The following COL16A1 variants were observed in gnomAD, a reference collection of about 807,000 sequenced individuals.
COL16A1 encodes collagen type XVI alpha 1 chain.
In COL16A1, 189 loss-of-function variants were observed where a neutral mutation model predicts 266.3. The observed-to-expected ratio is 0.71, with a 90% confidence interval of 0.63 to 0.80. The LOEUF (loss-of-function observed/expected upper bound fraction) is 0.80. Ranked by LOEUF, COL16A1 falls within the 30% of genes least tolerant of loss-of-function variation. COL16A1 has a pLI of 0.00. For synonymous variants in COL16A1, 740 were observed against 782.3 expected (o/e 0.95, Z 0.90); for missense variants, 1,928 against 2,122.4 (o/e 0.91, Z 1.80).
Position 31,668,724 on chromosome 1 carries a change from C to T in COL16A1, c.3249+78G>A, listed in dbSNP as rs375587676. 7.3e-6 allele frequency: 11 copies of T among 1,509,334 alleles called. No individual in the cohort carries two copies. Among genetic ancestry groups the T allele is most frequent in the South Asian group, 6.8e-5 (6 of 88,728 alleles). The allele number at this position is 1,509,334 out of a possible 1,614,324, so 93.5% of individuals were successfully genotyped here. A position where few individuals can be genotyped will look rare whatever the true frequency, so the allele number is the denominator to read the frequency against. On this transcript the variant is annotated intron_variant, in intron 50 of 70. Transcript: ENST00000373672. This position sits in a 1 kb window ranked among gnomAD's most constrained non-coding sequence, Gnocchi z 5.8. ...CTCCCAGCTTCCACTCAGCAGCCACCCTTCAGAGCTCAAGCTCTGCCTCCC... is the reference window on the plus strand; with the variant it reads ...CTCCCAGCTTCCACTCAGCAGCCACTCTTCAGAGCTCAAGCTCTGCCTCCC...
At chr1:31,699,102 AAACC>A (rs530116161) in intron 4 of COL16A1, among the ~76,000 whole-genome samples, 4 of 148,156 alleles carry the variant, frequency 2.7e-5, no homozygotes, top group African/African-American at 2.5e-5. Flanking sequence ...CTCAAAAAGA[AAACC>A]AACCAACCAA....
At position 31,672,481 on chromosome 1, in the gene COL16A1, G is replaced by A. The variant is rs763834475; in HGVS notation, c.3040C>T (p.Pro1014Ser). Residue 1014 changes from proline to serine, a missense_variant, in exon 47 of 71, where the codon CCT (proline) becomes TCT (serine). Transcript: ENST00000373672. ...EARGDNSEGD[P>S]GCVGSPGLPG... is the part of the protein sequence containing the mutation. The stretch of plus-strand genomic sequence containing the variant: ...AGGCCTGGGCTCCCAACACAGCCAG[G>A]ATCTCCCTCACTGTTGTCACCCTGG... 1 of 1,614,156 alleles carries A rather than the reference G, an allele frequency of 6.2e-7. No homozygotes were observed. Among genetic ancestry groups the A allele is most frequent in the South Asian group, 1.1e-5 (1 of 91,088 alleles).
intron 49 of COL16A1, among the ~76,000 whole-genome samples, chr1:31,669,301 C>G (rs147635174): frequency 6.6e-6 from 1 of 151,998 alleles, no homozygotes; most frequent in African/African-American, 2.4e-5. Flanking sequence ...AGATACCCAA[C>G]ACTTACCTGT....
rs926168318 is a variant in COL16A1, at chr1:31,683,969, G to A, written c.2318C>T (p.Pro773Leu). ...ACATACCTGCACGCCCTTCAGTCCT[G>A]GGGGCCCTTGAACTCCTGGTAGACC... ...QPGLPGVQGP[P>L]GLKGVQGEPG... Residue 773 changes from proline (P) to leucine (L), a missense_variant, in exon 33 of 71, where the codon CCA becomes CTA. Around this residue, in one of 2 missense-constraint regions of COL16A1, gnomAD observed 1,552 missense variants for 1,637.2 expected, o/e 0.95. Transcript: ENST00000373672. 1.9e-6 allele frequency: 3 copies of A among 1,614,038 alleles called. No homozygotes were observed. The highest frequency in any genetic ancestry group is 2.5e-6 in the Non-Finnish European group (3 of 1,180,020).
chr1:31,692,931 A>ACACC lies in COL16A1; in HGVS notation c.1072-127_1072-124dup, dbSNP rs575091837. On this transcript the variant is annotated intron_variant, in intron 13 of 70. Transcript: ENST00000373672. Reference sequence around the variant, plus strand: ...GTATCCCTAGAAAAGGGGGGCTTCTACACCCAAACCCCTAGAAAGACCCTG... The same window carrying ACACC: ...GTATCCCTAGAAAAGGGGGGCTTCTACACCCACCCAAACCCCTAGAAAGACCCTG... 65 of 1,058,302 alleles carry ACACC rather than the reference A, an allele frequency of 6.1e-5. No homozygotes were observed. The African/African-American group carries it at 9.9e-4, about 16-fold the overall frequency. The allele number at this position is 1,058,302 out of a possible 1,614,324, so 65.6% of individuals were successfully genotyped here.
In COL16A1 at chr1:31,691,389, AC is replaced by A. The variant is rs1644259668; in HGVS notation, c.1398+27del. The stretch of plus-strand genomic sequence containing the variant: ...TGGGAGAGCGGTCTCTGAGAAAAGC[AC>A]AGCAGGAGAAGCAAGGGGGTACTCA... On this transcript the variant is annotated intron_variant, in intron 19 of 70. Coordinates refer to ENST00000373672, the MANE Select transcript of COL16A1 (RefSeq NM_001856.4). 1.9e-6 allele frequency: 3 copies of A among 1,598,760 alleles called. No homozygotes were observed. In the African/African-American group the frequency reaches 4.0e-5, roughly 21 times the overall value.
rs1247226032 is a variant in COL16A1, at chr1:31,684,507, AC to A, written c.2160+15del. On this transcript the variant is annotated intron_variant, in intron 31 of 70. Coordinates refer to ENST00000373672, the MANE Select transcript of COL16A1 (RefSeq NM_001856.4). ...TGCAACAAACTCCCCGACCCCAACCACCCCGCCTGACTAACCTTTTCTCCTT... is the reference window on the plus strand; with the variant it reads ...TGCAACAAACTCCCCGACCCCAACCACCCGCCTGACTAACCTTTTCTCCTT... 1.2e-6 allele frequency: 2 copies of A among 1,603,952 alleles called. No individual in the cohort carries two copies. Among genetic ancestry groups the A allele is most frequent in the Non-Finnish European group, 1.7e-6 (2 of 1,175,456 alleles).
At chr1:31,678,202 G>T (rs1343844096) in intron 42 of COL16A1, among the ~76,000 whole-genome samples, 1 of 152,144 alleles carries the variant, frequency 6.6e-6, no homozygotes, top group Non-Finnish European at 1.5e-5. Flanking sequence ...GGCGGGGGTG[G>T]GGAGGGAAGA....
intron 44 of COL16A1, among the ~76,000 whole-genome samples, chr1:31,673,716 GTGACT>G (rs1175864716): frequency 1.3e-5 from 2 of 152,264 alleles, no homozygotes; most frequent in African/African-American, 2.4e-5. Context: ...GAGAGGCGGC[GTGACT>G]TGTCTAAGGA....
chr1:31,662,744 A>G, intron 56 of COL16A1, 86 bp from the exon 57 acceptor site: 2 of 1,363,548 alleles, frequency 1.5e-6, no homozygotes, highest in Non-Finnish European at 2.0e-6. Context: ...GCCCTGGGTC[A>G]AGGGTCCTGG....
intron 44 of COL16A1, 37 bp from the exon 45 acceptor site, chr1:31,672,877 T>A: frequency 6.2e-7 from 1 of 1,601,602 alleles, no homozygotes; most frequent in South Asian, 1.1e-5. Flanking sequence ...GGGCCTGGGT[T>A]AGAGATGGGC....
At chr1:31,676,066 TG>T (rs1271232616) in intron 42 of COL16A1, among the ~76,000 whole-genome samples, 1 of 151,692 alleles carries the variant, frequency 6.6e-6, no homozygotes, top group African/African-American at 2.4e-5. Context: ...CACTCACACC[TG>T]CAATCGTAGC....
Position 31,677,277 on chromosome 1 carries a change from C to T in COL16A1, c.2773-1966G>A, listed in dbSNP as rs143428332. Among the ~76,000 whole-genome samples the T allele has an allele frequency of 1.9e-3, 295 of 152,278 alleles. 3 individuals carry two copies. The highest frequency in any genetic ancestry group is 6.5e-3 in the African/African-American group (271 of 41,552). On this transcript the variant is annotated intron_variant, in intron 42 of 70. Coordinates refer to ENST00000373672, the MANE Select transcript of COL16A1 (RefSeq NM_001856.4). ...ATTCTTTTTGTATTTTTAGTAGAGA[C>T]GGGGTTTCGCCATGCTGGCCAGGCT... is the stretch of plus-strand genomic sequence containing the variant.
At chr1:31,683,410 G>A in intron 34 of COL16A1, 41 bp from the exon 35 acceptor site, 1 of 1,612,702 alleles carries the variant, frequency 6.2e-7, no homozygotes, top group Non-Finnish European at 8.5e-7. Context: ...AGCAGCCACA[G>A]CCAACCTGCC....
rs199958335 is a variant in COL16A1 at position 31,692,836 on chromosome 1, G to T, written c.1072-28C>A. ...GGGAGTAGGGAACAAGGGATCAGGG[G>T]TGGGAACTCCTGGGGAAGTCCCCTA... On this transcript the variant is annotated intron_variant, in intron 13 of 70. Coordinates refer to ENST00000373672, the MANE Select transcript of COL16A1 (RefSeq NM_001856.4). 12 of 1,609,884 alleles carry T rather than the reference G, an allele frequency of 7.5e-6. No homozygotes were observed. The African/African-American group carries it at 1.5e-4, about 20-fold the overall frequency.
chr1:31,665,006 C>T lies in COL16A1; in HGVS notation c.3555+166G>A, dbSNP rs182694991. 1.4e-4 allele frequency among the ~76,000 whole-genome samples: 21 copies of T among 152,330 alleles called. 1 individual carries two copies. The highest frequency in any genetic ancestry group is 1.1e-3 in the Admixed American group (17 of 15,312). On this transcript the variant is annotated intron_variant, in intron 56 of 70. Coordinates refer to ENST00000373672, the MANE Select transcript of COL16A1 (RefSeq NM_001856.4). ...CCCACTGGTCCACTGCAAGCCCTGT[C>T]GGCCTCCAGTAGTCACTGGGCCCAT... is the stretch of plus-strand genomic sequence containing the variant.
rs1000822731 is a variant in COL16A1, at chr1:31,656,194, A to G, written c.4101+206T>C. On this transcript the variant is annotated intron_variant, in intron 66 of 70. Coordinates refer to ENST00000373672, the MANE Select transcript of COL16A1 (RefSeq NM_001856.4). This position sits in a 1 kb window ranked among gnomAD's most constrained non-coding sequence, Gnocchi z 4.2. ...AATCAATCAGTCAATCAGTGAGTAAATGAACTGGAGATTTCCTTCCCCCCA... is the reference window on the plus strand; with the variant it reads ...AATCAATCAGTCAATCAGTGAGTAAGTGAACTGGAGATTTCCTTCCCCCCA... 4 of 753,240 alleles carry G rather than the reference A, an allele frequency of 5.3e-6. No individual in the cohort carries two copies. Among genetic ancestry groups the G allele is most frequent in the Non-Finnish European group, 8.6e-6 (4 of 466,086 alleles). The allele number at this position is 753,240 out of a possible 1,614,324, so 46.7% of individuals were successfully genotyped here. A position where few individuals can be genotyped will look rare whatever the true frequency, so the allele number is the denominator to read the frequency against.
chr1:31,681,592 T>C (rs933025977), intron 37 of COL16A1, among the ~76,000 whole-genome samples: 1 of 152,160 alleles, frequency 6.6e-6, no homozygotes, highest in Admixed American at 6.5e-5. Context: ...CTAGCGAGTG[T>C]GGGGCTGAGG....
At chr1:31,676,487 C>T (rs1280595869) in intron 42 of COL16A1, among the ~76,000 whole-genome samples, 1 of 152,122 alleles carries the variant, frequency 6.6e-6, no homozygotes. Context: ...CCAGAACATT[C>T]ATGTACACAG....
Sources: gnomAD v4.1 joint callset for allele counts (sites outside exome capture counted in the v4.1 genomes callset) on GRCh38, gnomAD v4.1.1 for gene constraint, gnomAD v4.1.1 regional missense constraint, Gnocchi (gnomAD v3.1) non-coding constraint, MANE v1.5 for transcripts, NCBI Gene and HGNC (gene_info 2026-07-23, HGNC 2026-07-21) for gene names.